Variants in NRG1 observed in about 807,000 individuals in gnomAD.
NRG1 encodes neuregulin 1.
NRG1 carries 18 observed loss-of-function variants against 63.8 expected under a neutral mutation model. The observed-to-expected ratio is 0.28, with a 90% CI of 0.19 to 0.42. The LOEUF is 0.42. Ranked by LOEUF, NRG1 falls within the 10% of genes least tolerant of loss-of-function variation. NRG1 has a pLI of 1.00. For synonymous variants in NRG1, 302 were observed against 301.3 expected (o/e 1.00, Z -0.02); for missense variants, 762 against 814.7 (o/e 0.94, Z 0.79).
At chr8:31,917,043 G>A (rs1440818622) in intron 1 of NRG1, among the ~76,000 whole-genome samples, 1 of 151,256 alleles carries the variant, frequency 6.6e-6, no homozygotes, top group Non-Finnish European at 1.5e-5. Context: ...CCCACTTTTT[G>A]ATGTGGTTGT....
chr8:32,533,171 A>G (rs1017666210), intron 1 of NRG1, among the ~76,000 whole-genome samples: 1 of 152,036 alleles, frequency 6.6e-6, no homozygotes, highest in Non-Finnish European at 1.5e-5. Context: ...TACAAACAAT[A>G]GAAGAAATAC....
At chr8:32,076,937 C>T (rs1826661685) in intron 1 of NRG1, among the ~76,000 whole-genome samples, 1 of 152,158 alleles carries the variant, frequency 6.6e-6, no homozygotes. Context: ...CTAAAGGGTA[C>T]AAGGAAAACT....
At chr8:32,594,393 C>T (rs1178575387) in intron 1 of NRG1, among the ~76,000 whole-genome samples, 1 of 152,140 alleles carries the variant, frequency 6.6e-6, no homozygotes, top group African/African-American at 2.4e-5. Context: ...GTGGAATTCT[C>T]AGGTTCTGTG....
chr8:32,256,360 G>A (rs1280916667), intron 1 of NRG1: 1 of 152,144 alleles, frequency 6.6e-6, no homozygotes, highest in Non-Finnish European at 1.5e-5. Flanking sequence ...GTGACCTTTG[G>A]ATGGGGTTTT....
chr8:31,816,471 C>T (rs1386593395), intron 1 of NRG1, among the ~76,000 whole-genome samples: 1 of 152,184 alleles, frequency 6.6e-6, no homozygotes, highest in Non-Finnish European at 1.5e-5. Context: ...AGAAAACTCT[C>T]AACATTTAGA....
intron 1 of NRG1, among the ~76,000 whole-genome samples, chr8:31,655,387 T>A (rs1805331701): frequency 6.6e-6 from 1 of 152,156 alleles, no homozygotes; most frequent in African/African-American, 2.4e-5. Context: ...AGAATCTATC[T>A]TAGTCTGAAA....
intron 1 of NRG1, among the ~76,000 whole-genome samples, chr8:31,854,475 TA>T (rs1243471040): frequency 5.3e-5 from 8 of 151,766 alleles, no homozygotes; most frequent in Non-Finnish European, 8.9e-5. Context: ...TATCATTTTT[TA>T]TTGTGTCTAT....
At chr8:32,580,851 A>G (rs759615831) in intron 1 of NRG1, among the ~76,000 whole-genome samples, 11 of 102,870 alleles carry the variant, frequency 1.1e-4, no homozygotes, top group Non-Finnish European at 3.0e-4. Flanking sequence ...ATGACATAGT[A>G]CCCATTGAGC....
chr8:32,439,306 A>G (rs1227084274), intron 1 of NRG1, among the ~76,000 whole-genome samples: 1 of 152,212 alleles, frequency 6.6e-6, no homozygotes, highest in African/African-American at 2.4e-5. Context: ...TGAGGATACA[A>G]AACTCATAAT....
intron 1 of NRG1, among the ~76,000 whole-genome samples, chr8:32,005,354 C>T (rs1470867444): frequency 6.6e-6 from 1 of 151,892 alleles, no homozygotes; most frequent in Non-Finnish European, 1.5e-5. Context: ...CGTAGAAATT[C>T]CCTGGTCTAT....
chr8:32,021,570 G>A (rs1316321015), intron 1 of NRG1, among the ~76,000 whole-genome samples: 2 of 152,270 alleles, frequency 1.3e-5, no homozygotes, highest in African/African-American at 2.4e-5. Flanking sequence ...TTCAATATGA[G>A]TTTTGATGAG....
intron 1 of NRG1, among the ~76,000 whole-genome samples, chr8:31,643,893 A>G (rs1264023650): frequency 6.6e-6 from 1 of 152,232 alleles, no homozygotes; most frequent in Non-Finnish European, 1.5e-5. Context: ...GGGCTATGCC[A>G]GATTTGTACA....
At chr8:32,012,807 T>C (rs1814957412) in intron 1 of NRG1, among the ~76,000 whole-genome samples, 1 of 152,156 alleles carries the variant, frequency 6.6e-6, no homozygotes, top group Non-Finnish European at 1.5e-5. Context: ...GTGGTATCAA[T>C]TATTATTACA....
intron 1 of NRG1, chr8:32,442,365 G>A (rs1410924006): frequency 6.6e-6 from 1 of 152,160 alleles, no homozygotes; most frequent in Non-Finnish European, 1.5e-5. Context: ...CTTCTGCCTG[G>A]CCCCTCTGGC....
At chr8:32,702,630 G>A (rs1339060873) in intron 5 of NRG1, among the ~76,000 whole-genome samples, 3 of 152,138 alleles carry the variant, frequency 2.0e-5, no homozygotes, top group African/African-American at 4.8e-5. Context: ...GGGATTACAG[G>A]CACATACAAT....
At chr8:32,057,628 G>A (rs557998438) in intron 1 of NRG1, among the ~76,000 whole-genome samples, 1 of 152,110 alleles carries the variant, frequency 6.6e-6, no homozygotes, top group Non-Finnish European at 1.5e-5. Flanking sequence ...AACTTCAAGA[G>A]ACTGGTTTAA....
At position 32,006,011 on chromosome 8, in the gene NRG1, G is replaced by GT. The variant is rs1488899051; in HGVS notation, c.37+366583dup. On this transcript the variant is annotated intron_variant, in intron 1 of 10. Coordinates refer to the NRG1 transcript ENST00000519301. ...TCCAATTTACTACCTAAGCCTGGAT[G>GT]TTTGTCTTTTCATACTCTGGAAACA... Among the ~76,000 whole-genome samples the GT allele has an allele frequency of 3.9e-5, 6 of 152,054 alleles. No individual in the cohort carries two copies. In the East Asian group the frequency reaches 7.8e-4, roughly 20 times the overall value.
intron 1 of NRG1, among the ~76,000 whole-genome samples, chr8:32,069,600 T>A (rs1825439082): frequency 6.6e-6 from 1 of 152,124 alleles, no homozygotes; most frequent in Non-Finnish European, 1.5e-5. Flanking sequence ...ATGGTGCTAG[T>A]GGGGTGGCCT....
At chr8:32,442,671 G>A (rs1309594842) in intron 1 of NRG1, 1 of 152,120 alleles carries the variant, frequency 6.6e-6, no homozygotes, top group Non-Finnish European at 1.5e-5. Context: ...ACCACAAATA[G>A]TGTACTCTAT....
Sources: gnomAD v4.1 joint callset for allele counts (sites outside exome capture counted in the v4.1 genomes callset) on GRCh38, gnomAD v4.1.1 for gene constraint, MANE v1.5 for transcripts, NCBI Gene and HGNC (gene_info 2026-07-23, HGNC 2026-07-21) for gene names.